The following DDX21 variants were observed in gnomAD, a reference collection of about 807,000 sequenced individuals.
DDX21 encodes nucleolar RNA helicase 2.
DDX21 carries 18 observed loss-of-function variants against 90.0 expected under a neutral mutation model. The observed-to-expected ratio is 0.20, with a 90% confidence interval of 0.14 to 0.30. The LOEUF (loss-of-function observed/expected upper bound fraction) is 0.30, where lower values mean the gene tolerates loss of function less well. Ranked by LOEUF, DDX21 falls within the 10% of genes least tolerant of loss-of-function variation. DDX21 has a pLI of 1.00. For synonymous variants in DDX21, 294 were observed against 318.0 expected, an observed-to-expected ratio of 0.92 and a Z score of 0.80; for missense variants, 673 against 944.5, an observed-to-expected ratio of 0.71 and a Z score of 3.77.
chr10:68,971,097 T>C (rs1367008251), intron 8 of DDX21, among the ~76,000 whole-genome samples: 1 of 150,846 alleles, frequency 6.6e-6, no homozygotes, highest in African/African-American at 2.5e-5. Context: ...TGGCTTTTTT[T>C]TTCTGGATGG....
rs146119299 is a variant in DDX21, at chr10:68,960,026, A to G, written c.308A>G (p.Glu103Gly). 6.4e-5 allele frequency: 102 copies of G among 1,603,160 alleles called. No individual in the cohort carries two copies. Among genetic ancestry groups the G allele is most frequent in the Non-Finnish European group, 8.5e-5 (100 of 1,177,786 alleles). Residue 103 changes from glutamate to glycine, a missense_variant, in exon 2 of 15, where the codon GAA becomes GGA. Transcript: ENST00000354185. ...KSLRKKKEPI[E>G]KKVVSSKTKK... Reference sequence around the variant, plus strand: ...TTGAGAAAGAAAAAGGAGCCCATTGAAAAGAAAGTGGTTTCTTCTAAAACC... The same window carrying G: ...TTGAGAAAGAAAAAGGAGCCCATTGGAAAGAAAGTGGTTTCTTCTAAAACC...
chr10:68,982,787 G>A lies in DDX21; in HGVS notation c.2327G>A (p.Ser776Asn), dbSNP rs754847476. 3 of 1,614,148 alleles carry A rather than the reference G, an allele frequency of 1.9e-6. No homozygotes were observed. The Admixed American group carries it at 5.0e-5, about 27-fold the overall frequency. The stretch of plus-strand genomic sequence containing the variant: ...TCCCAAAACAAAGGCCAGAAGCGGA[G>A]TTTCAGTAAAGCATTTGGTCAATAA... ...NRSQNKGQKR[S>N]FSKAFGQ The change falls in exon 15 of 15, where the codon AGT (serine) becomes AAT (asparagine). Residue 776 changes from serine (S) to asparagine (N), a missense_variant. Ser to Asn is a conservative substitution (Grantham distance 46). Coordinates refer to ENST00000354185, the MANE Select transcript of DDX21 (RefSeq NM_004728.4).
intron 13 of DDX21, 72 bp downstream of exon 13, chr10:68,979,048 T>G: frequency 6.3e-7 from 1 of 1,587,116 alleles, no homozygotes; most frequent in Middle Eastern, 1.7e-4. Flanking sequence ...GTGTGGGTTC[T>G]TCCTGTTCTG....
intron 13 of DDX21, among the ~76,000 whole-genome samples, chr10:68,981,229 G>A (rs371310859): frequency 6.6e-6 from 1 of 152,186 alleles, no homozygotes; most frequent in Non-Finnish European, 1.5e-5. Flanking sequence ...AAGCCTGTTT[G>A]CTCAGCAATA....
intron 1 of DDX21, among the ~76,000 whole-genome samples, chr10:68,959,099 A>G (rs1391359741): frequency 6.6e-6 from 1 of 152,182 alleles, no homozygotes; most frequent in East Asian, 1.9e-4. Context: ...ATCAATCTGT[A>G]GATACATTTG....
In DDX21 at chr10:68,979,710, G is replaced by A. The variant is rs188050091; in HGVS notation, c.2037+734G>A. On this transcript the variant is annotated intron_variant, in intron 13 of 14. Coordinates refer to ENST00000354185, the MANE Select transcript of DDX21 (RefSeq NM_004728.4). ...TTTCCATTGGCCTAGTGAACTAATC[G>A]GATTTATCTTCAACTTATTGCATGT... is the stretch of plus-strand genomic sequence containing the variant. 1.9e-3 allele frequency among the ~76,000 whole-genome samples: 295 copies of A among 152,254 alleles called. 1 individual carries two copies. The highest frequency in any genetic ancestry group is 2.6e-3 in the Non-Finnish European group (179 of 68,002).
intron 1 of DDX21, among the ~76,000 whole-genome samples, chr10:68,959,475 A>G (rs1439812071): frequency 6.6e-6 from 1 of 152,226 alleles, no homozygotes; most frequent in African/African-American, 2.4e-5. Flanking sequence ...CCTGGGCGAC[A>G]GAGCGAGACT....
rs150071642 is a variant in DDX21 at position 68,970,193 on chromosome 10, T to G, written c.1237-8T>G. On this transcript the variant is annotated splice_polypyrimidine_tract_variant and splice_region_variant and intron_variant, in intron 7 of 14. Coordinates refer to ENST00000354185, the MANE Select transcript of DDX21 (RefSeq NM_004728.4). Reference sequence around the variant, plus strand: ...ACTAAATAGATGTTTTTTTTCTTCTTACATAAGCATCTGGCTATTAAGTGC... The same window carrying G: ...ACTAAATAGATGTTTTTTTTCTTCTGACATAAGCATCTGGCTATTAAGTGC... The G allele has an allele frequency of 1.7e-4, 278 of 1,593,462 alleles. No homozygotes were observed. In the African/African-American group the frequency reaches 3.5e-3, roughly 20 times the overall value.
rs2132101100 is a variant in DDX21, at chr10:68,984,699, G to A, written c.*1887G>A. 1 of 152,310 alleles carries A rather than the reference G, an allele frequency of 6.6e-6. No individual in the cohort carries two copies. The highest frequency in any genetic ancestry group is 1.5e-5 in the Non-Finnish European group (1 of 68,020). The allele number at this position is 152,310 out of a possible 1,614,324, so 9.4% of individuals were successfully genotyped here. A position where few individuals can be genotyped will look rare whatever the true frequency, so the allele number is the denominator to read the frequency against. Reference sequence around the variant, plus strand: ...AGCTAAAACCTTGTTGTGGATTATGGATTTAGCCTAAAGAAAAATAATCTG... The same window carrying A: ...AGCTAAAACCTTGTTGTGGATTATGAATTTAGCCTAAAGAAAAATAATCTG... On this transcript the variant is annotated 3_prime_UTR_variant, in exon 15 of 15. Coordinates refer to ENST00000354185, the MANE Select transcript of DDX21 (RefSeq NM_004728.4).
rs865783542 is a variant in DDX21, at chr10:68,973,566, C to T, written c.1570C>T (p.Arg524Ter). Reference sequence around the variant, plus strand: ...ATAGGATGTAGAGTCCTACATTCATCGATCCGGGCGGACAGGCAGAGCTGG... The same window carrying T: ...ATAGGATGTAGAGTCCTACATTCATTGATCCGGGCGGACAGGCAGAGCTGG... ...PPKDVESYIH[R>*]SGRTGRAGRT... The change falls in exon 10 of 15, where the codon CGA becomes TGA. Residue 524 changes from arginine (R) to a stop codon, truncating the protein, a stop_gained. Transcript: ENST00000354185. LOFTEE classifies it high-confidence loss of function. 1.2e-6 allele frequency: 2 copies of T among 1,614,016 alleles called. No individual in the cohort carries two copies. The highest frequency in any genetic ancestry group is 1.7e-6 in the Non-Finnish European group (2 of 1,179,954).
chr10:68,971,368 A>T (rs1477014553), intron 8 of DDX21, among the ~76,000 whole-genome samples: 1 of 152,102 alleles, frequency 6.6e-6, no homozygotes, highest in Non-Finnish European at 1.5e-5. Flanking sequence ...TAGCAGGATT[A>T]GCTATTCTCC....
chr10:68,967,291 A>T (rs1314099690), intron 6 of DDX21, 88 bp downstream of exon 6: 1 of 1,315,652 alleles, frequency 7.6e-7, no homozygotes, highest in African/African-American at 1.5e-5. Context: ...CTCATGCCTC[A>T]GCCACCCTAG....
intron 2 of DDX21, among the ~76,000 whole-genome samples, chr10:68,961,132 G>A (rs1429309170): frequency 6.6e-6 from 1 of 151,964 alleles, no homozygotes; most frequent in Non-Finnish European, 1.5e-5. Flanking sequence ...ATGGGATCTC[G>A]CTGTGTGGCC....
intron 12 of DDX21, 52 bp from the exon 13 acceptor site, chr10:68,978,790 A>G (rs910797231): frequency 3.2e-6 from 5 of 1,565,834 alleles, no homozygotes; most frequent in East Asian, 2.3e-5. Context: ...GTATTTATCA[A>G]TTAGGTTTAT....
chr10:68,966,594 C>T (rs1026842286), intron 5 of DDX21, among the ~76,000 whole-genome samples: 2 of 151,984 alleles, frequency 1.3e-5, no homozygotes, highest in African/African-American at 4.8e-5. Context: ...AGGCGCCCAC[C>T]ACTGCGCCTG....
chr10:68,970,468 G>T, intron 8 of DDX21, 118 bp downstream of exon 8: 7 of 909,412 alleles, frequency 7.7e-6, no homozygotes, highest in Non-Finnish European at 7.7e-6. Context: ...GTTTAGTTTA[G>T]AAATGAGAGG....
In DDX21 at chr10:68,963,429, A is replaced by G. The variant is rs778432271; in HGVS notation, c.746A>G (p.His249Arg). The G allele has an allele frequency of 1.9e-6, 3 of 1,614,002 alleles. No homozygotes were observed. Among genetic ancestry groups the G allele is most frequent in the South Asian group, 1.1e-5 (1 of 91,064 alleles). The change falls in exon 4 of 15, where the codon CAT becomes CGT. Residue 249 changes from histidine to arginine, a missense_variant. Transcript: ENST00000354185. ...SFAIPLIEKL[H>R]GELQDRKRGR... Reference sequence around the variant, plus strand: ...GCCATCCCTTTGATTGAGAAACTTCATGGGGAACTGCAAGACAGGAAGAGA... The same window carrying G: ...GCCATCCCTTTGATTGAGAAACTTCGTGGGGAACTGCAAGACAGGAAGAGA...
At chr10:68,969,807 C>G (rs553131038) in intron 7 of DDX21, among the ~76,000 whole-genome samples, 31 of 152,208 alleles carry the variant, frequency 2.0e-4, no homozygotes, top group African/African-American at 7.5e-4. Context: ...AGGAACAGAC[C>G]TGTATATTAA....
intron 13 of DDX21, among the ~76,000 whole-genome samples, chr10:68,979,459 T>G (rs1017658071): frequency 1.3e-5 from 2 of 152,206 alleles, no homozygotes; most frequent in Non-Finnish European, 2.9e-5. Context: ...CAAAAGCTTT[T>G]GTTTACATGG....
Sources: allele counts gnomAD v4.1 joint callset (sites outside exome capture counted in the v4.1 genomes callset), GRCh38; gene constraint gnomAD v4.1.1; transcripts MANE v1.5; gene names NCBI Gene and HGNC (gene_info 2026-07-23, HGNC 2026-07-21).